SVIL: variants seen among roughly 807,000 people sequenced by gnomAD.
The protein encoded by SVIL is archvillin.
SVIL carries 101 observed loss-of-function variants against 240.4 expected under a neutral mutation model. The observed-to-expected ratio is 0.42, with a 90% CI of 0.36 to 0.50. SVIL has a LOEUF of 0.50. SVIL is among the 20% of genes least tolerant of loss of function. The pLI is 0.01. For synonymous variants in SVIL, 999 were observed against 1,100.0 expected, an observed-to-expected ratio of 0.91 and a Z score of 1.82; for missense variants, 2,512 against 2,818.7, an observed-to-expected ratio of 0.89 and a Z score of 2.46.
intron 17 of SVIL, among the ~76,000 whole-genome samples, chr10:29,503,796 C>T (rs897953228): frequency 1.3e-5 from 2 of 152,154 alleles, no homozygotes; most frequent in Admixed American, 6.5e-5. Context: ...GCTGTACATT[C>T]GATGCAGTTC....
intron 3 of SVIL, among the ~76,000 whole-genome samples, chr10:29,642,527 T>C (rs976531454): frequency 5.3e-5 from 8 of 152,224 alleles, no homozygotes; most frequent in Non-Finnish European, 7.3e-5. Context: ...AAATCTCTCC[T>C]AGACATGGTC....
chr10:29,560,559 C>T (rs1355216986), intron 3 of SVIL, among the ~76,000 whole-genome samples: 1 of 152,158 alleles, frequency 6.6e-6, no homozygotes, highest in African/African-American at 2.4e-5. Flanking sequence ...AAAGTAACAA[C>T]CACTTTAATG....
At chr10:29,689,667 A>T (rs1012263332) in intron 1 of SVIL, among the ~76,000 whole-genome samples, 2 of 152,246 alleles carry the variant, frequency 1.3e-5, no homozygotes, top group African/African-American at 4.8e-5. Flanking sequence ...TCATGACCCA[A>T]ATCCCTACAA....
chr10:29,721,232 T>C (rs1963956439), intron 1 of SVIL, among the ~76,000 whole-genome samples: 1 of 124,266 alleles, frequency 8.0e-6, no homozygotes, highest in South Asian at 2.5e-4. Context: ...AATGGAATCA[T>C]TACAAAAACA....
chr10:29,532,890 G>T lies in SVIL; in HGVS notation c.1477C>A (p.Leu493Met). ...STVTLEHQKE[L>M]ENVAQPPQAP... ...TGAGGGGGTTGTGCCACGTTTTCCA[G>T]TTCCTTCTGATGCTCTAAGGTGACT... The change falls in exon 8 of 38, where the codon CTG becomes ATG. Residue 493 changes from leucine (L) to methionine (M), a missense_variant. Around this residue, in one of 3 missense-constraint regions of SVIL, gnomAD observed 1,443 missense variants for 1,486.6 expected, o/e 0.97. Coordinates refer to ENST00000355867, the MANE Select transcript of SVIL (RefSeq NM_021738.3). The T allele has an allele frequency of 1.2e-6, 2 of 1,614,128 alleles. No individual in the cohort carries two copies. The highest frequency in any genetic ancestry group is 4.5e-5 in the East Asian group (2 of 44,866).
chr10:29,479,144 C>T (rs1416819318), intron 29 of SVIL, among the ~76,000 whole-genome samples: 1 of 152,092 alleles, frequency 6.6e-6, no homozygotes. Flanking sequence ...TGCTGACCTG[C>T]TCCAAGGTCT....
chr10:29,674,029 A>T (rs550784151), intron 2 of SVIL, among the ~76,000 whole-genome samples: 12 of 151,940 alleles, frequency 7.9e-5, no homozygotes, highest in African/African-American at 2.4e-4. Context: ...TTTAGCATAA[A>T]TTTTTTTTTG....
rs1407496779 is a variant in SVIL, at chr10:29,563,231, C to T, written c.-81G>A. ...GGAAGTGCAACTAAAAGCTGAGCAT[C>T]GATTCCTCTTTCGTGGTTAGCGAGC... On this transcript the variant is annotated 5_prime_UTR_variant, in exon 3 of 38. Coordinates refer to ENST00000355867, the MANE Select transcript of SVIL (RefSeq NM_021738.3). 3.0e-6 allele frequency: 3 copies of T among 985,700 alleles called. No individual in the cohort carries two copies. The highest frequency in any genetic ancestry group is 3.6e-6 in the Non-Finnish European group (3 of 829,844). The allele number at this position is 985,700 out of a possible 1,614,324, so 61.1% of individuals were successfully genotyped here. A position where few individuals can be genotyped will look rare whatever the true frequency, so the allele number is the denominator to read the frequency against.
At chr10:29,469,468 G>A (rs1945305722) in intron 32 of SVIL, among the ~76,000 whole-genome samples, 1 of 152,190 alleles carries the variant, frequency 6.6e-6, no homozygotes, top group Non-Finnish European at 1.5e-5. Flanking sequence ...TCCTCACTGA[G>A]GTCCTCACAG....
chr10:29,668,280 T>G (rs1187207342), intron 2 of SVIL, among the ~76,000 whole-genome samples: 4 of 152,132 alleles, frequency 2.6e-5, no homozygotes, highest in African/African-American at 7.2e-5. Flanking sequence ...CTTTTTCTCC[T>G]CATGCTAAGT....
intron 1 of SVIL, among the ~76,000 whole-genome samples, chr10:29,588,400 G>C (rs1956254903): frequency 6.6e-6 from 1 of 151,764 alleles, no homozygotes; most frequent in Non-Finnish European, 1.5e-5. Context: ...TTCACGTTAA[G>C]ACACTTCCTG....
chr10:29,522,714 C>A, intron 15 of SVIL, 79 bp from the exon 16 acceptor site: 1 of 1,477,774 alleles, frequency 6.8e-7, no homozygotes, highest in Non-Finnish European at 9.2e-7. Context: ...AACAGTGCAG[C>A]TCTCAGGGTT....
Position 29,583,132 on chromosome 10 carries a change from T to C in SVIL, c.-200-13820A>G, listed in dbSNP as rs1816261160. Among the ~76,000 whole-genome samples the C allele has an allele frequency of 2.0e-5, 3 of 152,222 alleles. No individual in the cohort carries two copies. In the South Asian group the frequency reaches 6.2e-4, roughly 32 times the overall value. ...TAGCTGTTCTAGAGCTAGACTCCAA[T>C]AATTTGAAGGAAAGTTTCAAATAAA... On this transcript the variant is annotated intron_variant, in intron 1 of 37. Coordinates refer to ENST00000355867, the MANE Select transcript of SVIL (RefSeq NM_021738.3).
At chr10:29,552,291 G>A (rs938838779) in intron 5 of SVIL, among the ~76,000 whole-genome samples, 5 of 151,902 alleles carry the variant, frequency 3.3e-5, no homozygotes, top group Admixed American at 6.6e-5. Context: ...GCTCACAACT[G>A]TAATCCTAGC....
intron 1 of SVIL, among the ~76,000 whole-genome samples, chr10:29,696,636 C>G (rs892868049): frequency 1.4e-4 from 21 of 151,138 alleles, no homozygotes; most frequent in Non-Finnish European, 8.9e-5. Flanking sequence ...CGCCTCGGCC[C>G]GGCCGCGACC....
chr10:29,691,447 G>A (rs562997413), intron 1 of SVIL, among the ~76,000 whole-genome samples: 18 of 152,204 alleles, frequency 1.2e-4, no homozygotes, highest in African/African-American at 2.6e-4. Flanking sequence ...TCCTGACCTC[G>A]TGATCCACCC....
At chr10:29,472,882 A>C (rs1283257645) in intron 30 of SVIL, among the ~76,000 whole-genome samples, 1 of 152,130 alleles carries the variant, frequency 6.6e-6, no homozygotes, top group African/African-American at 2.4e-5. Flanking sequence ...AAAGGGATAA[A>C]GTGCAGGGAC....
chr10:29,523,045 T>G (rs1438727318), intron 15 of SVIL, among the ~76,000 whole-genome samples: 1 of 152,242 alleles, frequency 6.6e-6, no homozygotes, highest in Non-Finnish European at 1.5e-5. Context: ...TGTAGCTTGC[T>G]AGCCTGCAAA....
intron 1 of SVIL, among the ~76,000 whole-genome samples, chr10:29,573,583 T>C (rs1352500160): frequency 6.6e-6 from 1 of 152,122 alleles, no homozygotes; most frequent in Non-Finnish European, 1.5e-5. Context: ...ATTACTACTA[T>C]TATTATCATT....
Sources: gnomAD v4.1 joint callset for allele counts (sites outside exome capture counted in the v4.1 genomes callset) on GRCh38, gnomAD v4.1.1 for gene constraint, gnomAD v4.1.1 regional missense constraint, MANE v1.5 for transcripts, NCBI Gene and HGNC (gene_info 2026-07-23, HGNC 2026-07-21) for gene names.